CELF2: variants seen among roughly 807,000 people sequenced by gnomAD.
CELF2 encodes CUGBP Elav-like family member 2.
Under a neutral mutation model 62.6 loss-of-function variants are expected in CELF2, and 8 were observed. The observed-to-expected ratio is 0.13, with a 90% CI of 0.07 to 0.23. CELF2 has a LOEUF of 0.23. Ranked by LOEUF, CELF2 falls within the 10% of genes least tolerant of loss-of-function variation. CELF2 has a pLI of 1.00. For synonymous variants in CELF2, 258 were observed against 250.0 expected (o/e 1.03, Z -0.30); for missense variants, 333 against 671.0 (o/e 0.50, Z 5.56).
At chr10:10,622,585 G>T in the CELF2 span, among the ~76,000 whole-genome samples, 1 of 152,054 alleles carries the variant, frequency 6.6e-6, no homozygotes, top group South Asian at 2.1e-4. Context: ...AGCCCAGGAG[G>T]TAGAGGCTAC....
intron 10 of CELF2, among the ~76,000 whole-genome samples, chr10:11,320,096 T>C (rs72775889): frequency 0.013 from 1,981 of 152,326 alleles, 27 homozygotes; most frequent in Middle Eastern, 0.058. Flanking sequence ...ACATCTTTTC[T>C]TAAAGAACTG....
intron 3 of CELF2, among the ~76,000 whole-genome samples, chr10:11,232,578 A>C (rs1369559974): frequency 6.6e-6 from 1 of 152,148 alleles, no homozygotes; most frequent in Non-Finnish European, 1.5e-5. Flanking sequence ...GGGAAAGAGC[A>C]GTGCTGAAGA....
chr10:11,133,718 T>G (rs945796348), intron 1 of CELF2, among the ~76,000 whole-genome samples: 1 of 152,232 alleles, frequency 6.6e-6, no homozygotes, highest in Non-Finnish European at 1.5e-5. Context: ...TAAATTCCTG[T>G]GGCGGCCCTT....
At chr10:11,104,204 T>C (rs1286601531) in intron 1 of CELF2, among the ~76,000 whole-genome samples, 1 of 152,244 alleles carries the variant, frequency 6.6e-6, no homozygotes, top group Non-Finnish European at 1.5e-5. Context: ...GTTAGCCTGA[T>C]GTATTTATTT....
At chr10:10,785,232 G>C in the CELF2 span, among the ~76,000 whole-genome samples, 1 of 152,280 alleles carries the variant, frequency 6.6e-6, no homozygotes, top group South Asian at 2.1e-4. Flanking sequence ...TCACCTGGAA[G>C]TTTTAAATAA....
chr10:10,910,021 A>G (rs2063674781), intron 1 of CELF2, among the ~76,000 whole-genome samples: 1 of 152,360 alleles, frequency 6.6e-6, no homozygotes, highest in African/African-American at 2.4e-5. Flanking sequence ...AAACATCACA[A>G]TGCAGGCTGG....
intron 2 of CELF2, among the ~76,000 whole-genome samples, chr10:11,208,475 A>G (rs1469165328): frequency 1.3e-5 from 2 of 151,966 alleles, no homozygotes; most frequent in African/African-American, 4.9e-5. Context: ...GACAAAAAGG[A>G]CATGACGTAA....
At chr10:11,276,851 C>T (rs2138991225) in intron 8 of CELF2, among the ~76,000 whole-genome samples, 1 of 152,386 alleles carries the variant, frequency 6.6e-6, no homozygotes, top group East Asian at 1.9e-4. Flanking sequence ...CCTGCACGCT[C>T]TGCGTGCTCA....
At chr10:10,873,432 T>C (rs76898047) in intron 1 of CELF2, among the ~76,000 whole-genome samples, 4,346 of 152,318 alleles carry the variant, frequency 0.029, 157 homozygotes, top group East Asian at 0.2. Flanking sequence ...TTTGCTTTGA[T>C]AAGCAAACAG....
chr10:11,001,869 A>C (rs564783136), upstream of CELF2, among the ~76,000 whole-genome samples: 259 of 152,298 alleles, frequency 1.7e-3, no homozygotes, highest in Admixed American at 3.9e-3. Flanking sequence ...AGATGATCCC[A>C]AAAAATATTA....
chr10:10,511,359 C>T, the CELF2 span, among the ~76,000 whole-genome samples: 1 of 152,102 alleles, frequency 6.6e-6, no homozygotes, highest in Non-Finnish European at 1.5e-5. Flanking sequence ...TTGCAGTGAG[C>T]TGAGATCATG....
rs778678563 is a variant in CELF2, at chr10:11,314,395, G to T, written c.1096+137G>T. 1 of 1,101,982 alleles carries T rather than the reference G, an allele frequency of 9.1e-7. No homozygotes were observed. Among genetic ancestry groups the T allele is most frequent in the Non-Finnish European group, 1.4e-6 (1 of 734,608 alleles). The allele number at this position is 1,101,982 out of a possible 1,614,324, so 68.3% of individuals were successfully genotyped here. A position where few individuals can be genotyped will look rare whatever the true frequency, so the allele number is the denominator to read the frequency against. On this transcript the variant is annotated intron_variant, in intron 10 of 12. Transcript: ENST00000633077. The surrounding 1 kb of genome is among the most constrained non-coding windows in gnomAD (Gnocchi z 5.3). ...TAAAACTTGGGATGGAGGAGCACAT[G>T]CTTTGATAGGCAAAAGCTGTCTACA...
chr10:10,605,383 A>C, the CELF2 span, among the ~76,000 whole-genome samples: 1 of 152,184 alleles, frequency 6.6e-6, no homozygotes, highest in Non-Finnish European at 1.5e-5. Context: ...ACACGTTTAC[A>C]TATGTAACAA....
At chr10:10,719,469 C>T in the CELF2 span, among the ~76,000 whole-genome samples, 3 of 152,032 alleles carry the variant, frequency 2.0e-5, no homozygotes, top group Non-Finnish European at 4.4e-5. Context: ...TCTTGGTATA[C>T]TGCACAGGCT....
the CELF2 span, among the ~76,000 whole-genome samples, chr10:10,558,163 C>T: frequency 6.6e-6 from 1 of 152,150 alleles, no homozygotes; most frequent in Non-Finnish European, 1.5e-5. Context: ...CTGATATTGG[C>T]TGTGGGTTTG....
At chr10:10,996,800 G>A (rs1404687310) in intron 2 of CELF2, among the ~76,000 whole-genome samples, 1 of 151,956 alleles carries the variant, frequency 6.6e-6, no homozygotes, top group African/African-American at 2.4e-5. Context: ...TTTCTGGGCT[G>A]GTCTCTTCCA....
At chr10:10,477,770 CAA>C in the CELF2 span, among the ~76,000 whole-genome samples, 74 of 119,104 alleles carry the variant, frequency 6.2e-4, no homozygotes, top group Admixed American at 5.9e-4. Flanking sequence ...CCTGCAACAC[CAA>C]AAAAAAAAAA....
the CELF2 span, among the ~76,000 whole-genome samples, chr10:10,783,012 T>C: frequency 3.9e-5 from 6 of 152,266 alleles, no homozygotes; most frequent in African/African-American, 1.4e-4. Context: ...TGAATATGTT[T>C]TATAGTCTGT....
chr10:11,128,660 A>C (rs1468602241), intron 1 of CELF2, among the ~76,000 whole-genome samples: 1 of 152,204 alleles, frequency 6.6e-6, no homozygotes, highest in South Asian at 2.1e-4. Flanking sequence ...GAGTTCACTC[A>C]TGATTTGGCT....
Sources: allele counts gnomAD v4.1 joint callset (sites outside exome capture counted in the v4.1 genomes callset), GRCh38; gene constraint gnomAD v4.1.1; non-coding constraint Gnocchi (gnomAD v3.1); transcripts MANE v1.5; gene names NCBI Gene and HGNC (gene_info 2026-07-23, HGNC 2026-07-21).